The following PARD3B variants were observed in gnomAD, a reference collection of about 807,000 sequenced individuals.
The protein encoded by PARD3B is partitioning defective 3 homolog B.
PARD3B carries 103 observed loss-of-function variants against 130.2 expected under a neutral mutation model. The ratio of observed to expected loss-of-function variants is 0.79; its 90% CI spans 0.67 to 0.93. PARD3B has a LOEUF of 0.93. PARD3B is among the 40% of genes least tolerant of loss of function. PARD3B has a pLI of 0.00. For synonymous variants in PARD3B, 583 were observed against 553.2 expected (o/e 1.05, Z -0.76); for missense variants, 1,609 against 1,499.2 (o/e 1.07, Z -1.21).
chr2:204,817,840 C>A lies in PARD3B; in HGVS notation c.222+131558C>A, dbSNP rs571222842. ...ATAGAGCTCACCGTGTTTGTTTCTT[C>A]TGTCTCAAGGATCATTATCCTTTTT... On this transcript the variant is annotated intron_variant, in intron 2 of 22. Transcript: ENST00000406610. Among the ~76,000 whole-genome samples, 6 of 152,256 alleles carry A rather than the reference C, an allele frequency of 3.9e-5. No individual in the cohort carries two copies. The East Asian group carries it at 1.2e-3, about 29-fold the overall frequency.
At chr2:204,953,889 A>G (rs568416163) in intron 2 of PARD3B, among the ~76,000 whole-genome samples, 3 of 152,026 alleles carry the variant, frequency 2.0e-5, no homozygotes, top group Non-Finnish European at 2.9e-5. Flanking sequence ...TGCTAAATTT[A>G]TAAATCTAAA....
At position 205,544,000 on chromosome 2, in the gene PARD3B, A is replaced by G. The variant is rs910425145; in HGVS notation, c.3181-9324A>G. Among the ~76,000 whole-genome samples, 4 of 152,196 alleles carry G rather than the reference A, an allele frequency of 2.6e-5. No individual in the cohort carries two copies. The East Asian group carries it at 5.8e-4, about 22-fold the overall frequency. ...CTAGTATATCATTTAAGAATTGAACATATTTTGAGGGTTAGCATTGTCTGT... is the reference window on the plus strand; with the variant it reads ...CTAGTATATCATTTAAGAATTGAACGTATTTTGAGGGTTAGCATTGTCTGT... On this transcript the variant is annotated intron_variant, in intron 21 of 22. Coordinates refer to ENST00000406610, the MANE Select transcript of PARD3B (RefSeq NM_001302769.2).
At chr2:205,416,921 C>CT (rs2046794640) in intron 19 of PARD3B, among the ~76,000 whole-genome samples, 1 of 151,416 alleles carries the variant, frequency 6.6e-6, no homozygotes, top group African/African-American at 2.4e-5. Context: ...CTGAACCTTT[C>CT]TTTTCTTTTC....
chr2:205,204,720 G>T (rs973781948), intron 15 of PARD3B, among the ~76,000 whole-genome samples: 9 of 152,124 alleles, frequency 5.9e-5, no homozygotes, highest in Non-Finnish European at 1.3e-4. Flanking sequence ...TTTCCCCATT[G>T]CTTGTTTTTG....
rs527325408 is a variant in PARD3B, at chr2:204,705,569, A to G, written c.222+19287A>G. 2.0e-5 allele frequency among the ~76,000 whole-genome samples: 3 copies of G among 152,318 alleles called. No individual in the cohort carries two copies. In the South Asian group the frequency reaches 6.2e-4, roughly 32 times the overall value. On this transcript the variant is annotated intron_variant, in intron 2 of 22. Transcript: ENST00000406610. ...TGAAGTACTAGAAAATAACAAAAAT[A>G]AGGACAAAATGAAATAAAATGCTCT...
intron 1 of PARD3B, among the ~76,000 whole-genome samples, chr2:204,672,854 G>A (rs1228379723): frequency 2.6e-5 from 4 of 152,192 alleles, no homozygotes; most frequent in Admixed American, 6.5e-5. Context: ...AATCACAGGC[G>A]CTGTTTATTG....
chr2:205,583,545 C>T (rs952575735), intron 22 of PARD3B, among the ~76,000 whole-genome samples: 6 of 152,134 alleles, frequency 3.9e-5, no homozygotes, highest in African/African-American at 1.2e-4. Context: ...GTGTGCTAGG[C>T]GCTGTTCTAA....
intron 16 of PARD3B, among the ~76,000 whole-genome samples, chr2:205,255,942 G>A (rs750007830): frequency 6.6e-6 from 1 of 151,908 alleles, no homozygotes; most frequent in Admixed American, 6.6e-5. Context: ...CTCTCTCTCC[G>A]GCTTAGAGGG....
At chr2:204,590,574 G>C (rs964868489) in intron 1 of PARD3B, among the ~76,000 whole-genome samples, 2 of 152,174 alleles carry the variant, frequency 1.3e-5, no homozygotes, top group Non-Finnish European at 2.9e-5. Flanking sequence ...CTGGGATGGG[G>C]AGAAAGGAGC....
rs2055436667 is a variant in PARD3B, at chr2:205,616,347, A to G, written c.*534A>G. 1 of 152,580 alleles carries G rather than the reference A, an allele frequency of 6.6e-6. No individual in the cohort carries two copies. Among genetic ancestry groups the G allele is most frequent in the South Asian group, 2.1e-4 (1 of 4,832 alleles). 9.5% of individuals were successfully genotyped at this position (152,580 alleles called of 1,614,324 possible). On this transcript the variant is annotated 3_prime_UTR_variant, in exon 23 of 23. Transcript: ENST00000406610. ...GTGAGTATAGGTTTTTTGACTAAGA[A>G]AAAAAACAACAGCAAACATGACTAG...
intron 16 of PARD3B, among the ~76,000 whole-genome samples, chr2:205,275,988 A>C (rs2040932781): frequency 6.6e-6 from 1 of 152,188 alleles, no homozygotes; most frequent in South Asian, 2.1e-4. Flanking sequence ...GTTTGCATTA[A>C]TGGAAAGCAG....
chr2:205,389,906 C>G (rs2045791068), intron 18 of PARD3B, among the ~76,000 whole-genome samples: 1 of 152,112 alleles, frequency 6.6e-6, no homozygotes, highest in Admixed American at 6.5e-5. Context: ...AATTTGAGTT[C>G]TGTTGAATTG....
At chr2:204,583,892 A>G (rs887416364) in intron 1 of PARD3B, among the ~76,000 whole-genome samples, 5 of 152,146 alleles carry the variant, frequency 3.3e-5, no homozygotes, top group Admixed American at 2.6e-4. Flanking sequence ...TGGTGCACAC[A>G]TTTTCAGGGC....
intron 4 of PARD3B, among the ~76,000 whole-genome samples, chr2:205,097,375 C>T (rs1702463068): frequency 6.6e-6 from 1 of 152,148 alleles, no homozygotes; most frequent in Non-Finnish European, 1.5e-5. Context: ...TTGTCACTAA[C>T]ACAACATGTA....
intron 2 of PARD3B, among the ~76,000 whole-genome samples, chr2:204,926,551 A>C (rs572389258): frequency 6.6e-6 from 1 of 152,124 alleles, no homozygotes; most frequent in Non-Finnish European, 1.5e-5. Context: ...GCCCCAGCGC[A>C]GTACTATGCC....
chr2:204,739,060 A>G (rs1439520400), intron 2 of PARD3B, among the ~76,000 whole-genome samples: 1 of 152,150 alleles, frequency 6.6e-6, no homozygotes, highest in Non-Finnish European at 1.5e-5. Context: ...TTTTTGGGAG[A>G]CAATTTTTTA....
rs35902126 is a variant in PARD3B at position 204,976,603 on chromosome 2, A to AT, written c.394+11302dup. Among the ~76,000 whole-genome samples, 432 of 83,212 alleles carry AT rather than the reference A, an allele frequency of 5.2e-3. 14 individuals are homozygous for AT. Among genetic ancestry groups the AT allele is most frequent in the African/African-American group, 0.019 (391 of 21,118 alleles). The allele number at this position is 83,212 out of a possible 152,430, so 54.6% of individuals were successfully genotyped here. The stretch of plus-strand genomic sequence containing the variant: ...AAAACTCCATGTATTTAGGTAATTG[A>AT]TTTTTTTTTTTTTTTTTTTTTTGAG... On this transcript the variant is annotated intron_variant, in intron 3 of 22. Coordinates refer to ENST00000406610, the MANE Select transcript of PARD3B (RefSeq NM_001302769.2).
intron 2 of PARD3B, among the ~76,000 whole-genome samples, chr2:204,753,230 A>G (rs1355272589): frequency 1.3e-5 from 2 of 152,196 alleles, no homozygotes; most frequent in Non-Finnish European, 2.9e-5. Flanking sequence ...CCATTGAAAG[A>G]TATGGCTAGT....
At position 205,309,246 on chromosome 2, in the gene PARD3B, G is replaced by C. The variant is rs75426389; in HGVS notation, c.2630+7545G>C. Among the ~76,000 whole-genome samples the C allele has an allele frequency of 0.032, 4,804 of 152,218 alleles. 215 individuals carry two copies. The highest frequency in any genetic ancestry group is 0.1 in the African/African-American group (4,353 of 41,506). ...TGTAAATGGTGAACTTGGTTTACAGGTGATTGGATCAACTCTGTTCCTCCT... is the reference window on the plus strand; with the variant it reads ...TGTAAATGGTGAACTTGGTTTACAGCTGATTGGATCAACTCTGTTCCTCCT... On this transcript the variant is annotated intron_variant, in intron 18 of 22. Coordinates refer to ENST00000406610, the MANE Select transcript of PARD3B (RefSeq NM_001302769.2). The surrounding 1 kb of genome is among the most constrained non-coding windows in gnomAD (Gnocchi z 4.7).
Sources: gnomAD v4.1 joint callset for allele counts (sites outside exome capture counted in the v4.1 genomes callset) on GRCh38, gnomAD v4.1.1 for gene constraint, Gnocchi (gnomAD v3.1) non-coding constraint, MANE v1.5 for transcripts, NCBI Gene and HGNC (gene_info 2026-07-23, HGNC 2026-07-21) for gene names.